AMD1: variants seen among roughly 807,000 people sequenced by gnomAD.
The protein encoded by AMD1 is adenosylmethionine decarboxylase 1.
A neutral mutation model predicts 40.2 loss-of-function variants in AMD1; 11 were observed. That is an observed-to-expected ratio of 0.27 (90% CI 0.17 to 0.45). AMD1 has a LOEUF of 0.45. AMD1 is among the 20% of genes least tolerant of loss of function. The pLI is 1.00. For missense variants in AMD1, 257 were observed against 410.2 expected (o/e 0.63, Z 3.23); for synonymous variants, 121 against 130.8 (o/e 0.93, Z 0.51).
chr6:110,815,837 G>A, the AMD1 span: 1 of 152,478 alleles, frequency 6.6e-6, no homozygotes, highest in East Asian at 1.9e-4. Context: ...CAGTGACTCG[G>A]GAGGCGAGGG....
chr6:110,886,037 C>T (rs60036226), intron 1 of AMD1, among the ~76,000 whole-genome samples: 1 of 152,016 alleles, frequency 6.6e-6, no homozygotes, highest in Non-Finnish European at 1.5e-5. Flanking sequence ...GGCGGATCAC[C>T]TGAGGTCAGT....
At chr6:110,885,812 A>G (rs1785649871) in intron 1 of AMD1, among the ~76,000 whole-genome samples, 1 of 152,254 alleles carries the variant, frequency 6.6e-6, no homozygotes, top group Non-Finnish European at 1.5e-5. Flanking sequence ...ATTGGTACGC[A>G]GATGGGTCAG....
intron 1 of AMD1, chr6:110,875,738 C>T (rs1785069123): frequency 6.6e-6 from 1 of 152,456 alleles, no homozygotes; most frequent in Non-Finnish European, 1.5e-5. Flanking sequence ...CCCTCCCGGC[C>T]TTGTCTGAGG....
intron 2 of AMD1, 25 bp from the exon 3 acceptor site, chr6:110,888,832 A>C: frequency 1.2e-6 from 2 of 1,606,462 alleles, no homozygotes; most frequent in Non-Finnish European, 1.7e-6. Context: ...TATTGTTATA[A>C]TATTGTGACT....
chr6:110,846,135 AGG>A, the AMD1 span, among the ~76,000 whole-genome samples: 1 of 152,102 alleles, frequency 6.6e-6, no homozygotes, highest in Non-Finnish European at 1.5e-5. Flanking sequence ...GCTACTTGGG[AGG>A]CTGAGGTAGG....
At chr6:110,893,358 G>A in intron 8 of AMD1, 118 bp from the exon 9 acceptor site, 1 of 1,391,510 alleles carries the variant, frequency 7.2e-7, no homozygotes, top group Non-Finnish European at 9.8e-7. Flanking sequence ...TAAGAAGGCA[G>A]CTAAAATAAC....
the AMD1 span, among the ~76,000 whole-genome samples, chr6:110,846,907 A>C: frequency 6.6e-6 from 1 of 151,986 alleles, no homozygotes; most frequent in African/African-American, 2.4e-5. Flanking sequence ...TTAGTATCTT[A>C]ATTGCATTTT....
At chr6:110,857,513 A>G in the AMD1 span, among the ~76,000 whole-genome samples, 1 of 150,934 alleles carries the variant, frequency 6.6e-6, no homozygotes, top group African/African-American at 2.4e-5. Context: ...AGCCTGGGCA[A>G]CAAGTGAAAC....
At chr6:110,821,880 A>T in the AMD1 span, among the ~76,000 whole-genome samples, 1 of 152,228 alleles carries the variant, frequency 6.6e-6, no homozygotes. Flanking sequence ...AAGGTCACAA[A>T]TTGACAACCT....
intron 1 of AMD1, among the ~76,000 whole-genome samples, chr6:110,879,848 A>G (rs1344288613): frequency 6.6e-6 from 1 of 152,250 alleles, no homozygotes; most frequent in Non-Finnish European, 1.5e-5. Flanking sequence ...ATTTGCAGGC[A>G]TCATCCTCAG....
At chr6:110,828,533 A>T in the AMD1 span, among the ~76,000 whole-genome samples, 1 of 152,220 alleles carries the variant, frequency 6.6e-6, no homozygotes, top group African/African-American at 2.4e-5. Flanking sequence ...TCTAAAGGAA[A>T]GGTGGGTGTG....
chr6:110,883,475 A>G (rs1412379341), intron 1 of AMD1, among the ~76,000 whole-genome samples: 2 of 152,226 alleles, frequency 1.3e-5, no homozygotes, highest in South Asian at 2.1e-4. Flanking sequence ...ATCAGAGTGG[A>G]AGAAATCTCT....
the AMD1 span, among the ~76,000 whole-genome samples, chr6:110,825,488 T>C: frequency 6.6e-6 from 1 of 152,232 alleles, no homozygotes; most frequent in African/African-American, 2.4e-5. Flanking sequence ...TGATTGATAG[T>C]CATTTTTACC....
the AMD1 span, among the ~76,000 whole-genome samples, chr6:110,826,165 T>TAA: frequency 2.1e-5 from 2 of 94,328 alleles, no homozygotes; most frequent in Non-Finnish European, 2.1e-5. Context: ...CCTGTCTCAT[T>TAA]AAAAAAAAAA....
At chr6:110,869,004 G>C in the AMD1 span, among the ~76,000 whole-genome samples, 1 of 150,878 alleles carries the variant, frequency 6.6e-6, no homozygotes. Context: ...AGGTTGTGGT[G>C]AGCCAGATTG....
chr6:110,878,798 T>C (rs532617796), intron 1 of AMD1, among the ~76,000 whole-genome samples: 21 of 152,318 alleles, frequency 1.4e-4, no homozygotes, highest in African/African-American at 5.1e-4. Flanking sequence ...GGAAATCCTA[T>C]TACTGTGCTT....
the AMD1 span, among the ~76,000 whole-genome samples, chr6:110,863,559 G>A: frequency 4.6e-5 from 7 of 151,080 alleles, no homozygotes; most frequent in Admixed American, 2.0e-4. Flanking sequence ...TAGTAGAGAC[G>A]GGGTTTCACC....
intron 1 of AMD1, among the ~76,000 whole-genome samples, chr6:110,880,881 A>C (rs1453871248): frequency 6.6e-6 from 1 of 152,156 alleles, no homozygotes; most frequent in Non-Finnish European, 1.5e-5. Flanking sequence ...TATGTTGGTC[A>C]GGCTGGTCTT....
chr6:110,860,838 CACA>C, the AMD1 span, among the ~76,000 whole-genome samples: 60 of 141,436 alleles, frequency 4.2e-4, no homozygotes, highest in Non-Finnish European at 6.8e-4. Flanking sequence ...CCCACCCACA[CACA>C]CACACACACA....
Sources: allele counts gnomAD v4.1 joint callset (sites outside exome capture counted in the v4.1 genomes callset), GRCh38; gene constraint gnomAD v4.1.1; transcripts MANE v1.5; gene names NCBI Gene and HGNC (gene_info 2026-07-23, HGNC 2026-07-21).